GAREM1: variants seen among roughly 807,000 people sequenced by gnomAD.
GAREM1 encodes GRB2-associated and regulator of MAPK protein 1.
GAREM1 carries 26 observed loss-of-function variants against 71.3 expected under a neutral mutation model. The observed-to-expected ratio is 0.36, with a 90% confidence interval of 0.27 to 0.51. The LOEUF is 0.51. GAREM1 is among the 20% of genes least tolerant of loss of function. GAREM1 has a pLI of 0.95. For synonymous variants in GAREM1, 440 were observed against 433.2 expected, an observed-to-expected ratio of 1.02 and a Z score of -0.20; for missense variants, 1,026 against 1,103.1, an observed-to-expected ratio of 0.93 and a Z score of 0.99.
At chr18:32,278,927 G>C (rs1355035491) in intron 4 of GAREM1, among the ~76,000 whole-genome samples, 1 of 152,128 alleles carries the variant, frequency 6.6e-6, no homozygotes, top group African/African-American at 2.4e-5. Flanking sequence ...ACCTTTCTCA[G>C]AAATGGTCTC....
intron 4 of GAREM1, among the ~76,000 whole-genome samples, chr18:32,283,567 A>G (rs1011981314): frequency 1.3e-5 from 2 of 151,588 alleles, no homozygotes; most frequent in African/African-American, 4.9e-5. Context: ...AACAAAAAAA[A>G]GCATAAAAAA....
At chr18:32,434,758 A>AT (rs1264437000) in intron 1 of GAREM1, among the ~76,000 whole-genome samples, 3 of 152,182 alleles carry the variant, frequency 2.0e-5, no homozygotes, top group African/African-American at 7.2e-5. Context: ...GAACACCACT[A>AT]TAATACCGCT....
chr18:32,419,677 T>C (rs573014601), intron 1 of GAREM1, among the ~76,000 whole-genome samples: 2 of 151,978 alleles, frequency 1.3e-5, no homozygotes, highest in South Asian at 2.1e-4. Context: ...CCCTAAAAAT[T>C]ACATCTGTAA....
intron 2 of GAREM1, among the ~76,000 whole-genome samples, chr18:32,359,660 T>C (rs1302350974): frequency 1.3e-5 from 2 of 148,678 alleles, no homozygotes; most frequent in African/African-American, 2.6e-5. Context: ...CAGTTTTCTC[T>C]TTTATAAAAA....
At chr18:32,290,488 C>G (rs2047069751) in intron 3 of GAREM1, 1 of 151,412 alleles carries the variant, frequency 6.6e-6, no homozygotes, top group Non-Finnish European at 1.5e-5. Flanking sequence ...ATTAAAAACA[C>G]AAAAAAATTA....
chr18:32,311,972 G>T (rs2047328466), intron 2 of GAREM1, among the ~76,000 whole-genome samples: 1 of 152,214 alleles, frequency 6.6e-6, no homozygotes, highest in South Asian at 2.1e-4. Context: ...ACATGGCAGG[G>T]GCTGGGAAGT....
intron 3 of GAREM1, among the ~76,000 whole-genome samples, chr18:32,300,531 G>A (rs2047188527): frequency 6.6e-6 from 1 of 152,200 alleles, no homozygotes; most frequent in African/African-American, 2.4e-5. Flanking sequence ...ATGACCAGGA[G>A]GATGGCAGAG....
At chr18:32,413,515 T>A (rs970612648) in intron 1 of GAREM1, among the ~76,000 whole-genome samples, 1 of 152,168 alleles carries the variant, frequency 6.6e-6, no homozygotes, top group Non-Finnish European at 1.5e-5. Context: ...AGACAGTGGC[T>A]AGGTGACATT....
intron 4 of GAREM1, among the ~76,000 whole-genome samples, chr18:32,285,123 C>T (rs999616566): frequency 6.6e-6 from 1 of 152,118 alleles, no homozygotes; most frequent in African/African-American, 2.4e-5. Context: ...GGGCCAAGGA[C>T]CCCGGCTCCA....
intron 1 of GAREM1, among the ~76,000 whole-genome samples, chr18:32,443,051 A>G (rs944541124): frequency 6.6e-6 from 1 of 152,192 alleles, no homozygotes; most frequent in Non-Finnish European, 1.5e-5. Flanking sequence ...ATGTAATTTC[A>G]TGTGGATTCA....
intron 2 of GAREM1, among the ~76,000 whole-genome samples, chr18:32,361,073 A>G (rs1337305868): frequency 6.6e-6 from 1 of 152,254 alleles, no homozygotes; most frequent in Non-Finnish European, 1.5e-5. Flanking sequence ...TTGCCATGCA[A>G]CCACATGAAA....
intron 1 of GAREM1, among the ~76,000 whole-genome samples, chr18:32,423,816 C>T (rs1216378031): frequency 2.0e-5 from 3 of 152,106 alleles, no homozygotes; most frequent in Non-Finnish European, 4.4e-5. Context: ...ATATGTTAGA[C>T]CTGACTATAG....
chr18:32,307,089 G>C (rs1419972508), intron 3 of GAREM1, among the ~76,000 whole-genome samples: 3 of 152,164 alleles, frequency 2.0e-5, no homozygotes, highest in Admixed American at 6.5e-5. Context: ...GCTACAGTTT[G>C]TGAAGAAACC....
At chr18:32,288,795 T>C (rs946187133) in intron 3 of GAREM1, among the ~76,000 whole-genome samples, 7 of 152,170 alleles carry the variant, frequency 4.6e-5, no homozygotes, top group African/African-American at 1.4e-4. Context: ...GAGATACAAA[T>C]AGATACATAT....
chr18:32,414,938 TAAAC>T (rs927752237), intron 1 of GAREM1, among the ~76,000 whole-genome samples: 34 of 151,456 alleles, frequency 2.2e-4, no homozygotes, highest in African/African-American at 8.0e-4. Context: ...TTTGAAAAGA[TAAAC>T]AAAACTGACA....
In GAREM1 at chr18:32,311,049, C is replaced by A. The variant is rs112141396; in HGVS notation, c.263-726G>T. On this transcript the variant is annotated intron_variant, in intron 2 of 5. Transcript: ENST00000269209. ...TGAAATTCATGCGAGTAGGCCATAT[C>A]ATGGTCTCCACAATTTACAGGATTT... Among the ~76,000 whole-genome samples, 749 of 152,302 alleles carry A rather than the reference C, an allele frequency of 4.9e-3. 6 individuals are homozygous for A. Among genetic ancestry groups the A allele is most frequent in the African/African-American group, 0.016 (652 of 41,554 alleles).
rs142903665 is a variant in GAREM1, at chr18:32,321,936, T to C, written c.263-11613A>G. Among the ~76,000 whole-genome samples the C allele has an allele frequency of 2.9e-3, 446 of 152,318 alleles. 3 individuals are homozygous for C. The highest frequency in any genetic ancestry group is 0.01 in the African/African-American group (432 of 41,572). ...ACATGATTTAAGTACAATGGAACTA[T>C]TGGTCATGAAGTGGGTAGGCTATAG... On this transcript the variant is annotated intron_variant, in intron 2 of 5. Coordinates refer to ENST00000269209, the MANE Select transcript of GAREM1 (RefSeq NM_001242409.2).
intron 1 of GAREM1, among the ~76,000 whole-genome samples, chr18:32,453,471 G>A (rs2048859835): frequency 6.6e-6 from 1 of 152,130 alleles, no homozygotes. Context: ...TTCCTTTGAG[G>A]GTCCTAGGAG....
intron 2 of GAREM1, among the ~76,000 whole-genome samples, chr18:32,315,157 T>C (rs1598954739): frequency 6.6e-6 from 1 of 152,014 alleles, no homozygotes; most frequent in South Asian, 2.1e-4. Context: ...ATAATAAATT[T>C]CATTCTGTCC....
Sources: allele counts gnomAD v4.1 joint callset (sites outside exome capture counted in the v4.1 genomes callset), GRCh38; gene constraint gnomAD v4.1.1; transcripts MANE v1.5; gene names NCBI Gene and HGNC (gene_info 2026-07-23, HGNC 2026-07-21).